SLC24A2: variants seen among roughly 807,000 people sequenced by gnomAD.
SLC24A2 encodes sodium/potassium/calcium exchanger 2.
In SLC24A2, 36 loss-of-function variants were observed where a neutral mutation model predicts 62.0. The ratio of observed to expected loss-of-function variants is 0.58; its 90% CI spans 0.44 to 0.77. The LOEUF (loss-of-function observed/expected upper bound fraction) is 0.77, where lower values mean the gene tolerates loss of function less well. Among genes scored for constraint, SLC24A2 ranks in the 30% least tolerant of loss-of-function variants. SLC24A2 has a pLI of 0.00. For synonymous variants in SLC24A2, 358 were observed against 294.0 expected (o/e 1.22, Z -2.23); for missense variants, 846 against 817.9 (o/e 1.03, Z -0.42).
the SLC24A2 span, among the ~76,000 whole-genome samples, chr9:20,135,418 C>G: frequency 6.7e-6 from 1 of 149,162 alleles, no homozygotes; most frequent in African/African-American, 2.5e-5. Flanking sequence ...TAATTAAAAG[C>G]CAGATGTCAG....
intron 5 of SLC24A2, among the ~76,000 whole-genome samples, chr9:19,592,268 T>A (rs1836574872): frequency 6.6e-6 from 1 of 152,154 alleles, no homozygotes; most frequent in South Asian, 2.1e-4. Context: ...ATGGAAAAGG[T>A]CTTTATAATT....
the SLC24A2 span, among the ~76,000 whole-genome samples, chr9:20,062,122 T>C: frequency 3.3e-5 from 5 of 152,218 alleles, no homozygotes; most frequent in African/African-American, 1.2e-4. Context: ...TTAGCTAATA[T>C]GGGAGCTGAA....
At chr9:20,220,325 T>C in the SLC24A2 span, among the ~76,000 whole-genome samples, 2 of 152,098 alleles carry the variant, frequency 1.3e-5, no homozygotes, top group African/African-American at 4.8e-5. Flanking sequence ...GGAAAAGTAA[T>C]ACCTTTGTTT....
At chr9:20,016,885 C>T in the SLC24A2 span, among the ~76,000 whole-genome samples, 2 of 152,102 alleles carry the variant, frequency 1.3e-5, no homozygotes, top group Non-Finnish European at 2.9e-5. Context: ...AGGGCTTCCA[C>T]TTGTAATTTT....
chr9:19,933,218 G>A, the SLC24A2 span, among the ~76,000 whole-genome samples: 3 of 152,324 alleles, frequency 2.0e-5, no homozygotes, highest in Middle Eastern at 3.4e-3. Flanking sequence ...CACAGCCAGA[G>A]TAAGGCATGC....
At chr9:19,882,525 T>C in the SLC24A2 span, among the ~76,000 whole-genome samples, 27 of 152,180 alleles carry the variant, frequency 1.8e-4, no homozygotes, top group East Asian at 4.8e-3. Flanking sequence ...TTTCCTTAGT[T>C]CCCTGAAAAG....
the SLC24A2 span, among the ~76,000 whole-genome samples, chr9:20,300,617 CAT>C: frequency 2.6e-5 from 4 of 152,160 alleles, no homozygotes; most frequent in Non-Finnish European, 2.9e-5. Flanking sequence ...GCCTGGTACC[CAT>C]AGAGTCCCCA....
At chr9:20,230,718 G>A in the SLC24A2 span, among the ~76,000 whole-genome samples, 1 of 152,106 alleles carries the variant, frequency 6.6e-6, no homozygotes, top group African/African-American at 2.4e-5. Flanking sequence ...CTTTTGCTGT[G>A]CAGAAGCTCT....
the SLC24A2 span, among the ~76,000 whole-genome samples, chr9:19,922,801 A>G: frequency 6.6e-6 from 1 of 152,166 alleles, no homozygotes; most frequent in African/African-American, 2.4e-5. Context: ...GTAAAAGAGG[A>G]GCTTGTACAT....
At chr9:20,296,861 C>A in the SLC24A2 span, among the ~76,000 whole-genome samples, 1 of 152,300 alleles carries the variant, frequency 6.6e-6, no homozygotes, top group South Asian at 2.1e-4. Context: ...GTTGTTAGTA[C>A]ACCTGACTGT....
chr9:19,867,955 T>C, the SLC24A2 span, among the ~76,000 whole-genome samples: 2 of 152,074 alleles, frequency 1.3e-5, no homozygotes, highest in Non-Finnish European at 2.9e-5. Flanking sequence ...GGTTTTGTTT[T>C]AAAATTGTGT....
chr9:19,948,815 C>T, the SLC24A2 span, among the ~76,000 whole-genome samples: 15 of 143,348 alleles, frequency 1.0e-4, no homozygotes, highest in African/African-American at 2.8e-4. Flanking sequence ...ACAGCACTCC[C>T]GCCTGGGCAA....
chr9:20,098,410 T>A, the SLC24A2 span, among the ~76,000 whole-genome samples: 1 of 152,184 alleles, frequency 6.6e-6, no homozygotes, highest in Non-Finnish European at 1.5e-5. Flanking sequence ...AGAAATAGAA[T>A]CAAGATAGAT....
chr9:19,976,832 A>T, the SLC24A2 span, among the ~76,000 whole-genome samples: 1 of 152,122 alleles, frequency 6.6e-6, no homozygotes, highest in Non-Finnish European at 1.5e-5. Flanking sequence ...GTATTCTGCT[A>T]TTTGTCTGTT....
At chr9:20,186,714 A>C in the SLC24A2 span, among the ~76,000 whole-genome samples, 4 of 152,226 alleles carry the variant, frequency 2.6e-5, no homozygotes, top group Non-Finnish European at 5.9e-5. Context: ...AGGAAAAATA[A>C]TGCCTATCTC....
intron 8 of SLC24A2, among the ~76,000 whole-genome samples, chr9:19,549,600 A>C (rs7044815): frequency 0.73 from 111,783 of 152,136 alleles, 43,394 homozygotes; most frequent in East Asian, 1. Flanking sequence ...TGAAAAGGCC[A>C]TGTTTAGGCA....
rs929308304 is a variant in SLC24A2 at position 19,511,296 on chromosome 9, G to A, written c.*4857C>T. The A allele has an allele frequency of 3.9e-5, 6 of 152,082 alleles. No individual in the cohort carries two copies. The highest frequency in any genetic ancestry group is 1.4e-4 in the African/African-American group (6 of 41,396). 9.4% of individuals were successfully genotyped at this position (152,082 alleles called of 1,614,324 possible). A position where few individuals can be genotyped will look rare whatever the true frequency, so the allele number is the denominator to read the frequency against. The stretch of plus-strand genomic sequence containing the variant: ...TTAAAAATGAAACGCAAAGACAGAG[G>A]CAGAGGCAGAGTCAGGGAGCTAACA... On this transcript the variant is annotated 3_prime_UTR_variant, in exon 11 of 11. Coordinates refer to ENST00000341998, the MANE Select transcript of SLC24A2 (RefSeq NM_020344.4).
At chr9:19,876,365 CGTGTGTGTGTGTGTGTGT>C in the SLC24A2 span, among the ~76,000 whole-genome samples, 1 of 145,524 alleles carries the variant, frequency 6.9e-6, no homozygotes. Flanking sequence ...TTATTGAAGG[CGTGTGTGTGTGTGTGTGT>C]GTGTGTGTGT....
chr9:20,017,377 A>T, the SLC24A2 span, among the ~76,000 whole-genome samples: 3 of 152,190 alleles, frequency 2.0e-5, no homozygotes, highest in South Asian at 2.1e-4. Flanking sequence ...ATGATTCTAA[A>T]TTTTTCTATT....
Sources: gnomAD v4.1 joint callset for allele counts (sites outside exome capture counted in the v4.1 genomes callset) on GRCh38, gnomAD v4.1.1 for gene constraint, MANE v1.5 for transcripts, NCBI Gene and HGNC (gene_info 2026-07-23, HGNC 2026-07-21) for gene names.